The following GLOD4 variants were observed in gnomAD, a reference collection of about 807,000 sequenced individuals.
GLOD4 encodes glyoxalase domain-containing protein 4.
Under a neutral mutation model 39.1 loss-of-function variants are expected in GLOD4, and 44 were observed. That is an observed-to-expected ratio of 1.13 (90% CI 0.88 to 1.45). The LOEUF (loss-of-function observed/expected upper bound fraction) is 1.45, where lower values mean the gene tolerates loss of function less well. Among genes scored for constraint, GLOD4 ranks in the 40% most tolerant of loss-of-function variants. GLOD4 has a pLI of 0.00. For synonymous variants in GLOD4, 145 were observed against 135.0 expected (o/e 1.07, Z -0.52); for missense variants, 405 against 366.4 (o/e 1.11, Z -0.86).
chr17:764,341 G>C (rs983452987), intron 8 of GLOD4: 4 of 152,198 alleles, frequency 2.6e-5, no homozygotes, highest in African/African-American at 9.7e-5. Context: ...AAACCATTTC[G>C]CATGTGCTAG....
At chr17:782,432 G>C (rs1910155975), upstream of GLOD4, 3 of 1,614,000 alleles carry the variant, frequency 1.9e-6, no homozygotes, top group Middle Eastern at 1.6e-4. Flanking sequence ...TGCTGCAGGT[G>C]GTCCAGGCTT....
At chr17:770,343 A>C (rs1422469012) in intron 6 of GLOD4, 78 bp downstream of exon 6, 1 of 834,592 alleles carries the variant, frequency 1.2e-6, no homozygotes, top group African/African-American at 1.7e-5. Context: ...AAAGGACCTC[A>C]AGAAGGGAAG....
At chr17:762,003 C>G (rs1273782273) in intron 8 of GLOD4, among the ~76,000 whole-genome samples, 1 of 152,184 alleles carries the variant, frequency 6.6e-6, no homozygotes, top group Non-Finnish European at 1.5e-5. Context: ...GTCACATGCT[C>G]TGTCAGAGAG....
At chr17:764,423 C>G (rs1321763877) in intron 8 of GLOD4, 2 of 152,204 alleles carry the variant, frequency 1.3e-5, no homozygotes, top group Non-Finnish European at 2.9e-5. Flanking sequence ...CTCTCGTGGA[C>G]AAACGATGGT....
intron 8 of GLOD4, among the ~76,000 whole-genome samples, chr17:761,881 A>G (rs1905505861): frequency 6.6e-6 from 1 of 152,252 alleles, no homozygotes; most frequent in African/African-American, 2.4e-5. Flanking sequence ...GGATGCAAGA[A>G]GAAGTATCTT....
rs147069318 is a variant in GLOD4 at position 781,709 on chromosome 17, A to G, written c.90+457T>C. Among the ~76,000 whole-genome samples the G allele has an allele frequency of 7.1e-4, 108 of 152,316 alleles. 2 individuals are homozygous for G. Among genetic ancestry groups the G allele is most frequent in the Non-Finnish European group, 5.1e-4 (35 of 68,030 alleles). ...GAAAAGCAGATGGGTTGAGAGTTGGAGCATATATTCAGAGACTGAGTATCC... is the reference window on the plus strand; with the variant it reads ...GAAAAGCAGATGGGTTGAGAGTTGGGGCATATATTCAGAGACTGAGTATCC... On this transcript the variant is annotated intron_variant, in intron 1 of 8. Transcript: ENST00000301329.
chr17:783,616 C>T (rs1438952091), upstream of GLOD4: 2 of 292,420 alleles, frequency 6.8e-6, no homozygotes, highest in East Asian at 1.5e-4. Flanking sequence ...GGATTACAGG[C>T]GTGAGCCACC....
rs112268780 is a variant in GLOD4 at position 777,946 on chromosome 17, TGGGAA to T, written c.140+744_140+748del. ...ACTTTCAGTCCCATCCACCAACCTC[TGGGAA>T]GGAAAGGGATGGAGACTGGGCTCTA... On this transcript the variant is annotated intron_variant, in intron 2 of 8. Coordinates refer to ENST00000301329, the MANE Select transcript of GLOD4 (RefSeq NM_016080.4). Among the ~76,000 whole-genome samples, 357 of 152,162 alleles carry T rather than the reference TGGGAA, an allele frequency of 2.3e-3. 2 individuals carry two copies. Among genetic ancestry groups the T allele is most frequent in the African/African-American group, 8.2e-3 (339 of 41,512 alleles).
intron 4 of GLOD4, among the ~76,000 whole-genome samples, chr17:773,135 A>G (rs899695474): frequency 1.3e-5 from 2 of 152,242 alleles, no homozygotes; most frequent in African/African-American, 2.4e-5. Flanking sequence ...GGAAAATCAC[A>G]ATCATGTAAT....
Position 771,436 on chromosome 17 carries a change from T to G in GLOD4, c.432A>C (p.Ala144=), listed in dbSNP as rs201469598. Residue 144 remains alanine, a synonymous_variant, in exon 5 of 9, where the codon GCA becomes GCC. Coordinates refer to ENST00000301329, the MANE Select transcript of GLOD4 (RefSeq NM_016080.4). ...QSDPVLKVTL[A]VSDLQKSLNY... ...TCAAGGACTTTTGAAGATCAGACAC[T>G]GCTAGAGTTACTTTTAATACAGGAT... The G allele has an allele frequency of 3.2e-6, 5 of 1,570,932 alleles. No homozygotes were observed. The Admixed American group carries it at 8.8e-5, about 28-fold the overall frequency.
chr17:765,779 T>C (rs1361804367), intron 8 of GLOD4, among the ~76,000 whole-genome samples: 1 of 151,694 alleles, frequency 6.6e-6, no homozygotes, highest in Admixed American at 6.6e-5. Flanking sequence ...TGAAACCCCA[T>C]CTCTACTAAA....
chr17:783,068 T>C, upstream of GLOD4: 1 of 1,560,480 alleles, frequency 6.4e-7, no homozygotes, highest in Non-Finnish European at 8.7e-7. Context: ...TTTTTTTTTT[T>C]ATTTCCATCT....
chr17:782,286 C>T (rs756453026), upstream of GLOD4: 28 of 1,612,116 alleles, frequency 1.7e-5, no homozygotes, highest in Admixed American at 4.5e-4. Flanking sequence ...GTCACGCGCA[C>T]CGTACAGCCC....
rs139221941 is a variant in GLOD4, at chr17:769,748, C to T, written c.831+121G>A. The T allele has an allele frequency of 6.0e-4, 421 of 699,002 alleles. 6 individuals are homozygous for T. The African/African-American group carries it at 6.3e-3, about 10-fold the overall frequency. The allele number at this position is 699,002 out of a possible 1,614,324, so 43.3% of individuals were successfully genotyped here. ...CGGTCCTTGGCTGAGGTCAACCCAACAGCGAAAGGACGTGGTTCTGACATT... is the reference window on the plus strand; with the variant it reads ...CGGTCCTTGGCTGAGGTCAACCCAATAGCGAAAGGACGTGGTTCTGACATT... On this transcript the variant is annotated intron_variant, in intron 8 of 8. Coordinates refer to ENST00000301329, the MANE Select transcript of GLOD4 (RefSeq NM_016080.4).
chr17:772,838 AC>A (rs1187298915), intron 4 of GLOD4, among the ~76,000 whole-genome samples: 2 of 152,126 alleles, frequency 1.3e-5, no homozygotes, highest in African/African-American at 4.8e-5. Flanking sequence ...TACTAAAAAT[AC>A]AAAAAATTAG....
At chr17:764,081 A>C (rs867344820) in intron 8 of GLOD4, 4 of 152,226 alleles carry the variant, frequency 2.6e-5, no homozygotes, top group African/African-American at 9.6e-5. Flanking sequence ...TGGACAAAAG[A>C]CTTGAACATA....
In GLOD4 at chr17:779,993, T is replaced by A. The variant is rs534605984; in HGVS notation, c.91-1249A>T. Among the ~76,000 whole-genome samples, 145 of 151,992 alleles carry A rather than the reference T, an allele frequency of 9.5e-4. 6 individuals carry two copies. In the South Asian group the frequency reaches 0.029, roughly 30 times the overall value. ...TCCTGGCTAACACAGTAAAACCCCA[T>A]CTCTACTAAAAATACAAAAAATAAG... is the stretch of plus-strand genomic sequence containing the variant. On this transcript the variant is annotated intron_variant, in intron 1 of 8. Transcript: ENST00000301329.
chr17:765,956 C>CA (rs1342843913), intron 8 of GLOD4, among the ~76,000 whole-genome samples: 1 of 148,346 alleles, frequency 6.7e-6, no homozygotes, highest in Non-Finnish European at 1.5e-5. Context: ...ACTCCCAACT[C>CA]AAAAAAAAGA....
chr17:762,490 C>G, intron 8 of GLOD4, among the ~76,000 whole-genome samples: 1 of 149,336 alleles, frequency 6.7e-6, no homozygotes, highest in Non-Finnish European at 1.5e-5. Flanking sequence ...CAGGCCCCGG[C>G]CGGCACCTAC....
Sources: allele counts gnomAD v4.1 joint callset (sites outside exome capture counted in the v4.1 genomes callset), GRCh38; gene constraint gnomAD v4.1.1; transcripts MANE v1.5; gene names NCBI Gene and HGNC (gene_info 2026-07-23, HGNC 2026-07-21).